The following SDCCAG8 variants were observed in gnomAD, a reference collection of about 807,000 sequenced individuals.
SDCCAG8 encodes the protein SHH signaling and ciliogenesis regulator SDCCAG8.
SDCCAG8 carries 74 observed loss-of-function variants against 101.8 expected under a neutral mutation model. The ratio of observed to expected loss-of-function variants is 0.73; its 90% CI spans 0.60 to 0.88. The LOEUF is 0.88. Among genes scored for constraint, SDCCAG8 ranks in the 40% least tolerant of loss-of-function variants. SDCCAG8 has a pLI of 0.00. For missense variants in SDCCAG8, 787 were observed against 822.6 expected (o/e 0.96, Z 0.53); for synonymous variants, 281 against 292.9 (o/e 0.96, Z 0.41).
At chr1:243,298,513 C>T (rs530598018) in intron 6 of SDCCAG8, among the ~76,000 whole-genome samples, 1 of 152,072 alleles carries the variant, frequency 6.6e-6, no homozygotes, top group East Asian at 1.9e-4. Context: ...GACGGGGTTT[C>T]ACCACGTTGG....
intron 13 of SDCCAG8, among the ~76,000 whole-genome samples, chr1:243,379,169 C>T (rs1052418940): frequency 3.9e-5 from 6 of 152,288 alleles, no homozygotes; most frequent in African/African-American, 1.2e-4. Context: ...TCTGCTAATT[C>T]TACGTCTAAT....
At chr1:243,309,018 T>C (rs1255720040) in intron 8 of SDCCAG8, among the ~76,000 whole-genome samples, 1 of 152,194 alleles carries the variant, frequency 6.6e-6, no homozygotes, top group Admixed American at 6.5e-5. Flanking sequence ...TTAGGTTCCT[T>C]TCTTCTGTGG....
chr1:243,426,572 C>T lies in SDCCAG8; in HGVS notation c.1985+14C>T, dbSNP rs767593699. 1.4e-5 allele frequency: 22 copies of T among 1,613,684 alleles called. No individual in the cohort carries two copies. The highest frequency in any genetic ancestry group is 1.8e-5 in the Non-Finnish European group (21 of 1,179,816). On this transcript the variant is annotated intron_variant, in intron 16 of 17. Coordinates refer to ENST00000366541, the MANE Select transcript of SDCCAG8 (RefSeq NM_006642.5). ...GATGAAGCAAAGGTAATCAAGGTTT[C>T]ATGTCAACTCATGTGCCGCATATTG...
At chr1:243,268,885 G>A (rs1277890111) in intron 1 of SDCCAG8, among the ~76,000 whole-genome samples, 1 of 152,098 alleles carries the variant, frequency 6.6e-6, no homozygotes, top group Non-Finnish European at 1.5e-5. Context: ...GTCCTCTGGA[G>A]GACTGGGCTG....
At chr1:243,406,810 C>G (rs2079818867) in intron 13 of SDCCAG8, among the ~76,000 whole-genome samples, 1 of 152,170 alleles carries the variant, frequency 6.6e-6, no homozygotes, top group Non-Finnish European at 1.5e-5. Flanking sequence ...CTCAGGGCAC[C>G]TGGTTATCTC....
intron 4 of SDCCAG8, among the ~76,000 whole-genome samples, 173 bp from the exon 5 acceptor site, chr1:243,286,099 T>C (rs1332226152): frequency 2.0e-5 from 3 of 152,238 alleles, no homozygotes; most frequent in Non-Finnish European, 4.4e-5. Flanking sequence ...CCCAGCCTTC[T>C]CTTTGTTATC....
chr1:243,266,479 G>A (rs1026748532), intron 1 of SDCCAG8, among the ~76,000 whole-genome samples: 1 of 151,768 alleles, frequency 6.6e-6, no homozygotes, highest in African/African-American at 2.4e-5. Context: ...ACCACAACCT[G>A]CCAACCTTTT....
chr1:243,372,075 C>T (rs564831005), intron 12 of SDCCAG8, among the ~76,000 whole-genome samples: 1 of 152,168 alleles, frequency 6.6e-6, no homozygotes, highest in East Asian at 1.9e-4. Context: ...ATATTTTACA[C>T]ACACCGAACT....
chr1:243,407,383 C>T (rs1325162904), intron 13 of SDCCAG8, among the ~76,000 whole-genome samples: 1 of 152,102 alleles, frequency 6.6e-6, no homozygotes, highest in East Asian at 1.9e-4. Flanking sequence ...TCTCTCTGCC[C>T]CACAGAGATG....
intron 12 of SDCCAG8, among the ~76,000 whole-genome samples, chr1:243,358,856 C>T (rs1007931229): frequency 6.6e-6 from 1 of 152,092 alleles, no homozygotes; most frequent in Non-Finnish European, 1.5e-5. Flanking sequence ...AGAAGCCAGT[C>T]ACAAAAGACA....
Position 243,301,627 on chromosome 1 carries a change from G to A in SDCCAG8, c.676-3086G>A, listed in dbSNP as rs141905181. Among the ~76,000 whole-genome samples, 121 of 152,252 alleles carry A rather than the reference G, an allele frequency of 7.9e-4. No individual in the cohort carries two copies. In the East Asian group the frequency reaches 0.021, roughly 27 times the overall value. On this transcript the variant is annotated intron_variant, in intron 6 of 17. Transcript: ENST00000366541. ...GGAAATTTGTAGAGCCATCACTGCA[G>A]CCGTGCCAACACGCACAAAAACTTT...
intron 10 of SDCCAG8, among the ~76,000 whole-genome samples, chr1:243,331,106 T>C (rs1178315614): frequency 6.6e-6 from 1 of 152,210 alleles, no homozygotes; most frequent in Non-Finnish European, 1.5e-5. Flanking sequence ...GAAACACTTG[T>C]AAGGAACTGA....
intron 4 of SDCCAG8, among the ~76,000 whole-genome samples, chr1:243,282,900 G>T (rs530976381): frequency 6.6e-6 from 1 of 152,252 alleles, no homozygotes; most frequent in East Asian, 1.9e-4. Flanking sequence ...AGGCTGGAGT[G>T]CAGTGGCGAG....
At chr1:243,364,232 T>TA (rs2076873551) in intron 12 of SDCCAG8, among the ~76,000 whole-genome samples, 1 of 152,164 alleles carries the variant, frequency 6.6e-6, no homozygotes, top group Non-Finnish European at 1.5e-5. Context: ...AAAATAAGGT[T>TA]AAATTGTCCA....
intron 16 of SDCCAG8, among the ~76,000 whole-genome samples, chr1:243,430,377 T>C (rs2081645126): frequency 6.6e-6 from 1 of 152,136 alleles, no homozygotes; most frequent in African/African-American, 2.4e-5. Context: ...TGGCATACAA[T>C]GAGGTTGGAG....
At chr1:243,334,721 G>A (rs2074876331) in intron 10 of SDCCAG8, among the ~76,000 whole-genome samples, 1 of 152,136 alleles carries the variant, frequency 6.6e-6, no homozygotes, top group Non-Finnish European at 1.5e-5. Flanking sequence ...TTCCCAGGTA[G>A]CTGGGACTAG....
chr1:243,468,325 C>A (rs987247671), intron 16 of SDCCAG8, among the ~76,000 whole-genome samples: 1 of 151,484 alleles, frequency 6.6e-6, no homozygotes, highest in Non-Finnish European at 1.5e-5. Flanking sequence ...TCAAGCAATT[C>A]TCTTGTCTCA....
intron 12 of SDCCAG8, among the ~76,000 whole-genome samples, chr1:243,349,159 G>C (rs779061364): frequency 6.6e-6 from 1 of 152,134 alleles, no homozygotes; most frequent in East Asian, 1.9e-4. Context: ...CATAACCAGG[G>C]GGATGGGCAA....
At chr1:243,326,033 G>GGTAT (rs145314092) in intron 9 of SDCCAG8, among the ~76,000 whole-genome samples, 4,842 of 152,124 alleles carry the variant, frequency 0.032, 115 homozygotes, top group Non-Finnish European at 0.046. Flanking sequence ...ATTGTTGAGA[G>GGTAT]GTATGTGTAA....
Sources: gnomAD v4.1 joint callset for allele counts (sites outside exome capture counted in the v4.1 genomes callset) on GRCh38, gnomAD v4.1.1 for gene constraint, MANE v1.5 for transcripts, NCBI Gene and HGNC (gene_info 2026-07-23, HGNC 2026-07-21) for gene names.